ATG4C: variants seen among roughly 807,000 people sequenced by gnomAD.
The protein encoded by ATG4C is autophagy related 4C cysteine peptidase.
A neutral mutation model predicts 57.6 loss-of-function variants in ATG4C; 56 were observed. That is an observed-to-expected ratio of 0.97 (90% CI 0.78 to 1.21). The LOEUF (loss-of-function observed/expected upper bound fraction) is 1.21, where lower values mean the gene tolerates loss of function less well. Among genes scored for constraint, ATG4C ranks in the 50% most tolerant of loss-of-function variants. The pLI is 0.00. For synonymous variants in ATG4C, 157 were observed against 174.1 expected (o/e 0.90, Z 0.78); for missense variants, 595 against 529.8 (o/e 1.12, Z -1.21).
At chr1:62,792,066 C>T (rs1425926153) in intron 1 of ATG4C, among the ~76,000 whole-genome samples, 1 of 152,064 alleles carries the variant, frequency 6.6e-6, no homozygotes, top group Non-Finnish European at 1.5e-5. Context: ...GGCACAATCT[C>T]GGCTCACTGC....
intron 4 of ATG4C, among the ~76,000 whole-genome samples, chr1:62,818,794 C>A (rs1377808881): frequency 6.6e-6 from 1 of 152,016 alleles, no homozygotes; most frequent in Non-Finnish European, 1.5e-5. Flanking sequence ...CTTTTATCAT[C>A]CCTTGAAGAA....
intron 9 of ATG4C, among the ~76,000 whole-genome samples, chr1:62,835,124 A>G (rs891228351): frequency 1.4e-4 from 21 of 151,712 alleles, no homozygotes; most frequent in African/African-American, 5.1e-4. Flanking sequence ...TCAAGTCTCC[A>G]AGTAATTTTG....
At chr1:62,819,755 T>C (rs1434804094) in intron 5 of ATG4C, among the ~76,000 whole-genome samples, 1 of 152,024 alleles carries the variant, frequency 6.6e-6, no homozygotes, top group Non-Finnish European at 1.5e-5. Context: ...GGCATTTCTT[T>C]GCACACATCA....
In ATG4C at chr1:62,784,933, C is replaced by G. The variant is rs370202343; in HGVS notation, c.-69+660C>G. On this transcript the variant is annotated intron_variant, in intron 1 of 10. Transcript: ENST00000317868. ...ATATGAGAACCTTCAGCGGTCAACTCAGCATCACTGCTTATTGAGTTTATA... is the reference window on the plus strand; with the variant it reads ...ATATGAGAACCTTCAGCGGTCAACTGAGCATCACTGCTTATTGAGTTTATA... Among the ~76,000 whole-genome samples, 4 of 152,290 alleles carry G rather than the reference C, an allele frequency of 2.6e-5. No homozygotes were observed. The East Asian group carries it at 7.7e-4, about 29-fold the overall frequency.
In ATG4C at chr1:62,816,803, G is replaced by A. The variant is rs201694570; in HGVS notation, c.389G>A (p.Gly130Asp). Residue 130 changes from glycine (G) to aspartate (D), a missense_variant, in exon 4 of 11, where the codon GGT becomes GAT. Gly to Asp is a moderately conservative substitution (Grantham distance 94). Coordinates refer to ENST00000317868, the MANE Select transcript of ATG4C (RefSeq NM_032852.4). Reference sequence around the variant, plus strand: ...CAAGGACTCATACTACACTTTCTTGGTAGAGGTAAATCAAATTTCTGTTTT... The same window carrying A: ...CAAGGACTCATACTACACTTTCTTGATAGAGGTAAATCAAATTTCTGTTTT... ...LAQGLILHFL[G>D]RAWTWPDALN... 127 of 1,530,662 alleles carry A rather than the reference G, an allele frequency of 8.3e-5. No individual in the cohort carries two copies. Among genetic ancestry groups the A allele is most frequent in the Non-Finnish European group, 1.0e-4 (117 of 1,137,520 alleles). The allele number at this position is 1,530,662 out of a possible 1,614,324, so 94.8% of individuals were successfully genotyped here.
chr1:62,850,293 T>C (rs1335575790), intron 10 of ATG4C, among the ~76,000 whole-genome samples: 1 of 152,158 alleles, frequency 6.6e-6, no homozygotes, highest in Non-Finnish European at 1.5e-5. Context: ...ATTATTACCC[T>C]GGCCCATCCT....
At chr1:62,859,541 G>A (rs1361395231) in intron 10 of ATG4C, among the ~76,000 whole-genome samples, 1 of 152,114 alleles carries the variant, frequency 6.6e-6, no homozygotes, top group Non-Finnish European at 1.5e-5. Flanking sequence ...ACTGGAGGTT[G>A]CTCTGGGTGA....
intron 3 of ATG4C, among the ~76,000 whole-genome samples, chr1:62,814,881 A>G (rs1262197954): frequency 1.3e-5 from 2 of 152,150 alleles, no homozygotes; most frequent in Non-Finnish European, 2.9e-5. Flanking sequence ...CTTGGCCAAC[A>G]TGGAGACACC....
Position 62,834,018 on chromosome 1 carries a change from G to A in ATG4C, c.934-20G>A. ...TACCACTTGCCTCTTGACTAAATCTGTATTAATTTTTTTTGGCAGGGTATT... is the reference window on the plus strand; with the variant it reads ...TACCACTTGCCTCTTGACTAAATCTATATTAATTTTTTTTGGCAGGGTATT... On this transcript the variant is annotated intron_variant, in intron 7 of 10. Transcript: ENST00000317868. The A allele has an allele frequency of 1.2e-6, 2 of 1,604,412 alleles. No individual in the cohort carries two copies. The highest frequency in any genetic ancestry group is 1.7e-6 in the Non-Finnish European group (2 of 1,174,416).
intron 9 of ATG4C, among the ~76,000 whole-genome samples, chr1:62,840,669 GCCAAA>G (rs1466842781): frequency 2.0e-5 from 3 of 152,246 alleles, no homozygotes; most frequent in South Asian, 4.2e-4. Context: ...CCCTAAAGAT[GCCAAA>G]CTCTACTAAC....
In ATG4C at chr1:62,808,948, G is replaced by T. The variant is rs1360793397; in HGVS notation, c.160+3693G>T. Among the ~76,000 whole-genome samples, 7 of 152,166 alleles carry T rather than the reference G, an allele frequency of 4.6e-5. No homozygotes were observed. The East Asian group carries it at 1.4e-3, about 29-fold the overall frequency. On this transcript the variant is annotated intron_variant, in intron 3 of 10. Transcript: ENST00000317868. ...GAGAAAAACTTATTTTTTAGATTCT[G>T]AGGCAGTGTCTTGCTCTGTTACCCA...
chr1:62,835,455 C>A lies in ATG4C; in HGVS notation c.1089+603C>A, dbSNP rs375851517. On this transcript the variant is annotated intron_variant, in intron 9 of 10. Transcript: ENST00000317868. ...ACATAAATGAAACATGTAATTATTA[C>A]ATGGTTTTGATTGTTTTCCCAGTTG... is the stretch of plus-strand genomic sequence containing the variant. 430 of 299,430 alleles carry A rather than the reference C, an allele frequency of 1.4e-3. 5 individuals carry two copies. The highest frequency in any genetic ancestry group is 9.3e-3 in the African/African-American group (411 of 44,050). The allele number at this position is 299,430 out of a possible 1,614,324, so 18.5% of individuals were successfully genotyped here. A position where few individuals can be genotyped will look rare whatever the true frequency, so the allele number is the denominator to read the frequency against.
intron 3 of ATG4C, among the ~76,000 whole-genome samples, chr1:62,810,600 A>G (rs1464663665): frequency 2.6e-5 from 4 of 152,160 alleles, no homozygotes; most frequent in Non-Finnish European, 5.9e-5. Flanking sequence ...TCTTTCAACA[A>G]AACCACATAA....
At chr1:62,790,688 A>G (rs1219511841) in intron 1 of ATG4C, among the ~76,000 whole-genome samples, 1 of 152,192 alleles carries the variant, frequency 6.6e-6, no homozygotes, top group Non-Finnish European at 1.5e-5. Context: ...GTTATAGAGA[A>G]CTCTAGAACA....
intron 6 of ATG4C, among the ~76,000 whole-genome samples, chr1:62,825,233 C>CT (rs1402411187): frequency 1.3e-5 from 1 of 78,470 alleles, no homozygotes; most frequent in African/African-American, 5.7e-5. Flanking sequence ...GAGACTCCGT[C>CT]TAAAAAAAAA....
Position 62,816,762 on chromosome 1 carries a change from C to A in ATG4C, c.348C>A (p.Gly116=). ...GGTGGGGCTGCACATTGAGAACTGG[C>A]CAGATGCTCTTGGCTCAAGGACTCA... ...DCGWGCTLRT[G]QMLLAQGLIL... Residue 116 remains glycine (G), a synonymous_variant, in exon 4 of 11, where the codon GGC becomes GGA. Coordinates refer to ENST00000317868, the MANE Select transcript of ATG4C (RefSeq NM_032852.4). The A allele has an allele frequency of 6.2e-7, 1 of 1,611,080 alleles. No individual in the cohort carries two copies. The highest frequency in any genetic ancestry group is 1.1e-5 in the South Asian group (1 of 90,628).
chr1:62,828,405 T>G (rs1665734841), intron 6 of ATG4C, among the ~76,000 whole-genome samples: 1 of 152,196 alleles, frequency 6.6e-6, no homozygotes, highest in African/African-American at 2.4e-5. Flanking sequence ...TGATCAGTGG[T>G]ATTGAGCTTT....
rs369090325 is a variant in ATG4C at position 62,793,088 on chromosome 1, G to A, written c.-69+8815G>A. On this transcript the variant is annotated intron_variant, in intron 1 of 10. Transcript: ENST00000317868. ...TTTTTAGTAGAGACGGGGTTTCACC[G>A]TGTTAGCCAGGATGGTCTCGATCTC... is the stretch of plus-strand genomic sequence containing the variant. 9.4e-3 allele frequency among the ~76,000 whole-genome samples: 1,411 copies of A among 150,102 alleles called. 14 individuals are homozygous for A. The highest frequency in any genetic ancestry group is 0.039 in the South Asian group (184 of 4,708).
In ATG4C at chr1:62,863,888, G is replaced by T. The variant is rs1666925369; in HGVS notation, c.1210-104G>T. 2 of 771,738 alleles carry T rather than the reference G, an allele frequency of 2.6e-6. 1 individual carries two copies. Among genetic ancestry groups the T allele is most frequent in the South Asian group, 4.4e-5 (2 of 45,874 alleles). The allele number at this position is 771,738 out of a possible 1,614,324, so 47.8% of individuals were successfully genotyped here. Reference sequence around the variant, plus strand: ...TAGCACTGGGTGAATGTAAATGAAAGAAGCTAACAGGAGAGGTTCAGGGCT... The same window carrying T: ...TAGCACTGGGTGAATGTAAATGAAATAAGCTAACAGGAGAGGTTCAGGGCT... On this transcript the variant is annotated intron_variant, in intron 10 of 10. Transcript: ENST00000317868.
Sources: allele counts gnomAD v4.1 joint callset (sites outside exome capture counted in the v4.1 genomes callset), GRCh38; gene constraint gnomAD v4.1.1; transcripts MANE v1.5; gene names NCBI Gene and HGNC (gene_info 2026-07-23, HGNC 2026-07-21).